The following ANKRD45 variants were observed in gnomAD, a reference collection of about 807,000 sequenced individuals.
The protein encoded by ANKRD45 is ankyrin repeat domain 45, also known as ankyrin repeat domain-containing protein 45.
A neutral mutation model predicts 28.1 loss-of-function variants in ANKRD45; 21 were observed. The ratio of observed to expected loss-of-function variants is 0.75; its 90% CI spans 0.53 to 1.08. The LOEUF is 1.08. ANKRD45 is among the 50% of genes least tolerant of loss of function. The probability of loss-of-function intolerance (pLI) is 0.00; values close to 1 mark genes in which losing one functional copy is unlikely to be tolerated. For synonymous variants in ANKRD45, 86 were observed against 103.9 expected, an observed-to-expected ratio of 0.83 and a Z score of 1.05; for missense variants, 261 against 308.7, an observed-to-expected ratio of 0.85 and a Z score of 1.16.
At chr1:173,702,597 G>C in the ANKRD45 span, among the ~76,000 whole-genome samples, 2 of 152,044 alleles carry the variant, frequency 1.3e-5, no homozygotes, top group African/African-American at 4.8e-5. Context: ...AAGGAAGAAG[G>C]AGAAGGAGGA....
intron 5 of ANKRD45, among the ~76,000 whole-genome samples, chr1:173,618,943 G>A (rs1425662153): frequency 3.3e-5 from 5 of 152,196 alleles, no homozygotes; most frequent in African/African-American, 9.7e-5. Context: ...GGACCTCTGC[G>A]TGGAAACCCT....
At chr1:173,674,355 T>C (rs1295787402), upstream of ANKRD45, among the ~76,000 whole-genome samples, 2 of 152,024 alleles carry the variant, frequency 1.3e-5, no homozygotes, top group Non-Finnish European at 2.9e-5. Flanking sequence ...TTTTGGCTTT[T>C]TTTTTTTCCA....
At chr1:173,676,492 A>G in the ANKRD45 span, among the ~76,000 whole-genome samples, 1 of 152,138 alleles carries the variant, frequency 6.6e-6, no homozygotes, top group Non-Finnish European at 1.5e-5. Flanking sequence ...GTTCTGCTTG[A>G]TAGTCATAAA....
chr1:173,708,941 T>C, the ANKRD45 span, among the ~76,000 whole-genome samples: 1 of 152,176 alleles, frequency 6.6e-6, no homozygotes, highest in East Asian at 1.9e-4. Flanking sequence ...ACCCTAGAAT[T>C]CTATAGCAGC....
chr1:173,659,032 T>C (rs772752416), intron 2 of ANKRD45, 59 bp downstream of exon 2: 2 of 1,563,844 alleles, frequency 1.3e-6, no homozygotes, highest in Non-Finnish European at 8.7e-7. Context: ...CTTAAAGATA[T>C]TACATTGCAT....
intron 3 of ANKRD45, among the ~76,000 whole-genome samples, chr1:173,638,095 A>AGTGT (rs57442264): frequency 0.03 from 4,497 of 149,342 alleles, 80 homozygotes; most frequent in African/African-American, 0.047. Flanking sequence ...TTGGAGGCTG[A>AGTGT]GTGTGTGTGT....
chr1:173,636,878 T>C (rs1342637858), intron 3 of ANKRD45: 5 of 1,535,780 alleles, frequency 3.3e-6, no homozygotes, highest in African/African-American at 1.4e-5. Flanking sequence ...AGAAAGCCCA[T>C]TGATCAACAA....
At chr1:173,681,506 T>C in the ANKRD45 span, among the ~76,000 whole-genome samples, 2 of 152,166 alleles carry the variant, frequency 1.3e-5, no homozygotes, top group Non-Finnish European at 2.9e-5. Flanking sequence ...TAGTGAAACA[T>C]TGTGTACACG....
upstream of ANKRD45, among the ~76,000 whole-genome samples, chr1:173,671,476 T>C (rs767276133): frequency 6.6e-6 from 1 of 151,998 alleles, no homozygotes; most frequent in Non-Finnish European, 1.5e-5. Context: ...CTGCACGTGC[T>C]CCTCTCCCAA....
upstream of ANKRD45, among the ~76,000 whole-genome samples, chr1:173,673,100 A>G (rs942243817): frequency 6.6e-6 from 1 of 151,364 alleles, no homozygotes; most frequent in African/African-American, 2.4e-5. Flanking sequence ...ATAAAAAACT[A>G]CATTTCTATA....
intron 1 of ANKRD45, among the ~76,000 whole-genome samples, chr1:173,666,833 G>T (rs764318634): frequency 2.6e-5 from 4 of 152,046 alleles, no homozygotes; most frequent in Non-Finnish European, 5.9e-5. Context: ...ACTCACTACA[G>T]CCTGAACTCC....
intron 3 of ANKRD45, among the ~76,000 whole-genome samples, chr1:173,628,312 G>T (rs79197249): frequency 0.027 from 4,116 of 152,054 alleles, 197 homozygotes; most frequent in African/African-American, 0.095. Flanking sequence ...CAGTGGTGTA[G>T]CACACCAAGC....
the ANKRD45 span, among the ~76,000 whole-genome samples, chr1:173,707,907 A>G: frequency 2.0e-5 from 3 of 152,206 alleles, no homozygotes; most frequent in Admixed American, 6.5e-5. Flanking sequence ...AGCATCATTT[A>G]TTAAACAGTG....
chr1:173,664,702 T>C (rs1669931825), intron 1 of ANKRD45, among the ~76,000 whole-genome samples: 1 of 152,220 alleles, frequency 6.6e-6, no homozygotes, highest in Non-Finnish European at 1.5e-5. Flanking sequence ...TCCTAATTGT[T>C]TCAAGTACGT....
At chr1:173,639,500 C>A (rs1354555021) in intron 3 of ANKRD45, among the ~76,000 whole-genome samples, 2 of 152,178 alleles carry the variant, frequency 1.3e-5, no homozygotes, top group African/African-American at 4.8e-5. Context: ...AAAATGGATA[C>A]TACCAGATCA....
At chr1:173,615,140 G>A (rs1245220535) in intron 5 of ANKRD45, among the ~76,000 whole-genome samples, 2 of 151,784 alleles carry the variant, frequency 1.3e-5, no homozygotes, top group African/African-American at 2.4e-5. Flanking sequence ...GTTTAAAAAT[G>A]CCCCCCCAGA....
At chr1:173,711,987 AT>A in the ANKRD45 span, among the ~76,000 whole-genome samples, 7 of 152,330 alleles carry the variant, frequency 4.6e-5, no homozygotes, top group Middle Eastern at 6.8e-3. Context: ...TTTTAGTAAC[AT>A]TTTTATACCA....
the ANKRD45 span, among the ~76,000 whole-genome samples, chr1:173,689,152 G>C: frequency 6.6e-6 from 1 of 152,132 alleles, no homozygotes; most frequent in African/African-American, 2.4e-5. Context: ...CTTAGTTCAG[G>C]ACATCCTCTC....
At chr1:173,676,834 C>CAAAAAAAA in the ANKRD45 span, among the ~76,000 whole-genome samples, 2 of 98,806 alleles carry the variant, frequency 2.0e-5, no homozygotes, top group African/African-American at 6.8e-5. Flanking sequence ...GACTCCATCT[C>CAAAAAAAA]AAAAAAAAAA....
Sources: allele counts gnomAD v4.1 joint callset (sites outside exome capture counted in the v4.1 genomes callset), GRCh38; gene constraint gnomAD v4.1.1; transcripts MANE v1.5; gene names NCBI Gene and HGNC (gene_info 2026-07-23, HGNC 2026-07-21).